Variants in DCTN6 observed in about 807,000 individuals in gnomAD.
DCTN6 encodes the protein dynactin subunit 6.
DCTN6 carries 15 observed loss-of-function variants against 25.8 expected under a neutral mutation model. The observed-to-expected ratio is 0.58, with a 90% CI of 0.39 to 0.89. DCTN6 has a LOEUF of 0.89. DCTN6 is among the 40% of genes least tolerant of loss of function. The pLI is 0.00. For missense variants in DCTN6, 198 were observed against 237.6 expected, an observed-to-expected ratio of 0.83 and a Z score of 1.09; for synonymous variants, 64 against 78.3, an observed-to-expected ratio of 0.82 and a Z score of 0.96.
intron 5 of DCTN6, 140 bp downstream of exon 5, chr8:30,179,595 C>A: frequency 1.6e-6 from 1 of 617,256 alleles, no homozygotes; most frequent in Non-Finnish European, 2.8e-6. Context: ...TAATTGTTTG[C>A]CACTAAGGAA....
At chr8:30,158,554 C>T (rs1319202388) in intron 1 of DCTN6, among the ~76,000 whole-genome samples, 1 of 152,038 alleles carries the variant, frequency 6.6e-6, no homozygotes, top group Non-Finnish European at 1.5e-5. Context: ...GAACTCTGCT[C>T]CAAGAAATTT....
In DCTN6 at chr8:30,183,146, A is replaced by C; in HGVS notation, c.546A>C (p.Lys182Asn). Residue 182 changes from lysine (K) to asparagine (N), a missense_variant, in exon 7 of 7, where the codon AAA becomes AAC. Transcript: ENST00000221114. Reference sequence around the variant, plus strand: ...ACCACCACCTAAAGAAGACTATGAAAGGAAGCTCAACTCCAGTAAAGAACT... The same window carrying C: ...ACCACCACCTAAAGAAGACTATGAACGGAAGCTCAACTCCAGTAAAGAACT... ...PNYHHLKKTM[K>N]GSSTPVKN is the part of the protein sequence containing the mutation. 1 of 1,614,088 alleles carries C rather than the reference A, an allele frequency of 6.2e-7. No homozygotes were observed. Among genetic ancestry groups the C allele is most frequent in the Non-Finnish European group, 8.5e-7 (1 of 1,179,980 alleles).
intron 4 of DCTN6, 188 bp downstream of exon 4, chr8:30,177,402 A>G (rs1190602230): frequency 2.2e-6 from 1 of 460,250 alleles, no homozygotes. Flanking sequence ...TTATAATTAC[A>G]TTTTTAAAAG....
chr8:30,176,922 C>T (rs934333659), intron 3 of DCTN6: 8 of 432,510 alleles, frequency 1.8e-5, no homozygotes, highest in Non-Finnish European at 3.3e-5. Flanking sequence ...TTGCAGTGAT[C>T]CAAGATGGTG....
intron 6 of DCTN6, among the ~76,000 whole-genome samples, chr8:30,182,854 A>T (rs1335072796): frequency 6.6e-6 from 1 of 152,072 alleles, no homozygotes; most frequent in African/African-American, 2.4e-5. Context: ...AGCTATGACT[A>T]CAGGGGTGTG....
chr8:30,177,290 T>A, intron 4 of DCTN6, 76 bp downstream of exon 4: 1 of 1,231,252 alleles, frequency 8.1e-7, no homozygotes, highest in Non-Finnish European at 1.2e-6. Flanking sequence ...GTAGAAATTG[T>A]AAATAATTCC....
chr8:30,177,313 A>G (rs1803848990), intron 4 of DCTN6, 99 bp downstream of exon 4: 1 of 887,728 alleles, frequency 1.1e-6, no homozygotes, highest in Non-Finnish European at 1.7e-6. Flanking sequence ...GCTCTCCTTT[A>G]GTACCTAAGT....
chr8:30,164,070 TA>T (rs1476073315), intron 1 of DCTN6, 40 bp from the exon 2 acceptor site: 14 of 1,542,758 alleles, frequency 9.1e-6, no homozygotes, highest in Non-Finnish European at 1.3e-5. Flanking sequence ...ACAGTATGTT[TA>T]ATCTTACCCC....
At position 30,183,258 on chromosome 8, in the gene DCTN6, C is replaced by A; in HGVS notation, c.*85C>A. The A allele has an allele frequency of 9.3e-7, 1 of 1,077,404 alleles. No homozygotes were observed. The highest frequency in any genetic ancestry group is 1.4e-6 in the Non-Finnish European group (1 of 728,016). The allele number at this position is 1,077,404 out of a possible 1,614,324, so 66.7% of individuals were successfully genotyped here. ...CACAGTGTTTATGTACTCTTAACAACTCACAGAATAATACATGTTCACTTT... is the reference window on the plus strand; with the variant it reads ...CACAGTGTTTATGTACTCTTAACAAATCACAGAATAATACATGTTCACTTT... On this transcript the variant is annotated 3_prime_UTR_variant, in exon 7 of 7. Coordinates refer to ENST00000221114, the MANE Select transcript of DCTN6 (RefSeq NM_006571.4).
At chr8:30,163,287 A>G (rs926197569) in intron 1 of DCTN6, among the ~76,000 whole-genome samples, 1 of 152,036 alleles carries the variant, frequency 6.6e-6, no homozygotes, top group African/African-American at 2.4e-5. Context: ...ACAAGAGTGA[A>G]ACTCTGTCTC....
rs1282658959 is a variant in DCTN6 at position 30,179,442 on chromosome 8, C to T, written c.318C>T (p.Val106=). The T allele has an allele frequency of 4.3e-6, 7 of 1,612,116 alleles. No individual in the cohort carries two copies. The African/African-American group carries it at 9.4e-5, about 22-fold the overall frequency. The part of the protein sequence containing the change: ...SQAMKMGDNN[V]IESKAYVGRN... ...CCATGAAGATGGGAGATAATAATGT[C>T]ATTGAATCAAAAGGTAAGCTACATT... Residue 106 remains valine (V), a synonymous_variant, in exon 5 of 7, where the codon GTC becomes GTT. Transcript: ENST00000221114.
At chr8:30,176,705 G>A (rs1321814134) in intron 3 of DCTN6, 2 of 162,216 alleles carry the variant, frequency 1.2e-5, no homozygotes, top group Admixed American at 5.9e-5. Flanking sequence ...TAGGCTGGGC[G>A]TGGTGGCTCA....
Position 30,174,585 on chromosome 8 carries a change from C to A in DCTN6, c.89-500C>A, listed in dbSNP as rs566971965. ...TCCTGACCTTAAGCGATCTCCCCGC[C>A]TTGGCCTCCACATTTCTTCTCAATT... On this transcript the variant is annotated intron_variant, in intron 2 of 6. Transcript: ENST00000221114. Among the ~76,000 whole-genome samples, 4 of 152,298 alleles carry A rather than the reference C, an allele frequency of 2.6e-5. No homozygotes were observed. In the South Asian group the frequency reaches 6.2e-4, roughly 24 times the overall value.
intron 1 of DCTN6, among the ~76,000 whole-genome samples, chr8:30,158,592 C>T (rs1314821430): frequency 1.3e-5 from 2 of 151,538 alleles, no homozygotes; most frequent in Non-Finnish European, 2.9e-5. Context: ...GTTTTTTCTT[C>T]TATAATATGA....
chr8:30,183,056 AATT>A lies in DCTN6; in HGVS notation c.475-17_475-15del. ...ACTTTGCTTTCTGCCAATCGGCCTTAATTACCTTATCTTTTTAGCCCCAGACAC... is the reference window on the plus strand; with the variant it reads ...ACTTTGCTTTCTGCCAATCGGCCTTAACCTTATCTTTTTAGCCCCAGACAC... On this transcript the variant is annotated splice_polypyrimidine_tract_variant and intron_variant, in intron 6 of 6. Transcript: ENST00000221114. The A allele has an allele frequency of 6.2e-7, 1 of 1,611,606 alleles. No homozygotes were observed. Among genetic ancestry groups the A allele is most frequent in the Non-Finnish European group, 8.5e-7 (1 of 1,177,850 alleles).
chr8:30,177,866 A>G (rs1454659125), intron 4 of DCTN6, among the ~76,000 whole-genome samples: 1 of 152,244 alleles, frequency 6.6e-6, no homozygotes, highest in Non-Finnish European at 1.5e-5. Flanking sequence ...AGACAAACGC[A>G]GACACACACA....
intron 2 of DCTN6, 119 bp from the exon 3 acceptor site, chr8:30,174,966 C>A: frequency 2.3e-6 from 2 of 860,596 alleles, no homozygotes; most frequent in Non-Finnish European, 3.7e-6. Flanking sequence ...TAGCTTGGTG[C>A]CTGGCACATA....
At chr8:30,170,606 A>G (rs1803750879) in intron 2 of DCTN6, among the ~76,000 whole-genome samples, 1 of 152,160 alleles carries the variant, frequency 6.6e-6, no homozygotes, top group South Asian at 2.1e-4. Context: ...TATTTTTTAA[A>G]TATTGTGCAA....
At chr8:30,171,706 C>T (rs1241540644) in intron 2 of DCTN6, among the ~76,000 whole-genome samples, 3 of 152,184 alleles carry the variant, frequency 2.0e-5, no homozygotes, top group African/African-American at 7.2e-5. Context: ...TCATTTTCTT[C>T]TGTGTCCCAG....
Sources: gnomAD v4.1 joint callset for allele counts (sites outside exome capture counted in the v4.1 genomes callset) on GRCh38, gnomAD v4.1.1 for gene constraint, MANE v1.5 for transcripts, NCBI Gene and HGNC (gene_info 2026-07-23, HGNC 2026-07-21) for gene names.